ZNF738: variants seen among roughly 807,000 people sequenced by gnomAD.
ZNF738 encodes the protein zinc finger protein 738, also known as protein ZNF738.
Under a neutral mutation model 9.2 loss-of-function variants are expected in ZNF738, and 10 were observed. The observed-to-expected ratio is 1.09, with a 90% CI of 0.67 to 1.85. ZNF738 has a LOEUF of 1.85. Among genes scored for constraint, ZNF738 ranks in the 40% most tolerant of loss-of-function variants. The pLI is 0.00. For missense variants in ZNF738, 346 were observed against 283.6 expected, an observed-to-expected ratio of 1.22 and a Z score of -1.58; for synonymous variants, 113 against 94.5, an observed-to-expected ratio of 1.20 and a Z score of -1.14.
At chr19:21,371,704 A>C (rs1188062631) in intron 2 of ZNF738, among the ~76,000 whole-genome samples, 1 of 151,794 alleles carries the variant, frequency 6.6e-6, no homozygotes, top group Non-Finnish European at 1.5e-5. Context: ...ACCTTGGTCC[A>C]CTTCTTTTTA....
At chr19:21,359,704 C>T (rs375473660) in intron 1 of ZNF738, among the ~76,000 whole-genome samples, 4 of 152,012 alleles carry the variant, frequency 2.6e-5, no homozygotes, top group African/African-American at 9.7e-5. Context: ...GGTGAAACCC[C>T]GTCTCTACTA....
intron 2 of ZNF738, among the ~76,000 whole-genome samples, chr19:21,369,914 A>G (rs1973835748): frequency 6.6e-6 from 1 of 151,974 alleles, no homozygotes; most frequent in Non-Finnish European, 1.5e-5. Flanking sequence ...CCTGGATTCA[A>G]GTGATTCTCC....
rs1374014983 is a variant in ZNF738, at chr19:21,383,991, C to T, written c.*317C>T. ...TAAGTTGATTCATACTGGAGAGAAA[C>T]CCTACAAATGTGAAGAATGTGGCAA... On this transcript the variant is annotated 3_prime_UTR_variant, in exon 5 of 5. Coordinates refer to ENST00000683779, the MANE Select transcript of ZNF738 (RefSeq NM_001355237.2). 5.4e-6 allele frequency: 8 copies of T among 1,476,594 alleles called. No homozygotes were observed. The African/African-American group carries it at 1.1e-4, about 20-fold the overall frequency. The allele number at this position is 1,476,594 out of a possible 1,614,324, so 91.5% of individuals were successfully genotyped here.
rs1473480499 is a variant in ZNF738, at chr19:21,384,597, T to C, written c.*923T>C. Reference sequence around the variant, plus strand: ...AGAGAAACCCTACAAATGTGAAGAATGTGGCAAAGCTTTTTAAAAATCCTC... The same window carrying C: ...AGAGAAACCCTACAAATGTGAAGAACGTGGCAAAGCTTTTTAAAAATCCTC... On this transcript the variant is annotated 3_prime_UTR_variant, in exon 5 of 5. Transcript: ENST00000683779. Among the ~76,000 whole-genome samples, 5 of 152,164 alleles carry C rather than the reference T, an allele frequency of 3.3e-5. No individual in the cohort carries two copies. Among genetic ancestry groups the C allele is most frequent in the East Asian group, 1.9e-4 (1 of 5,184 alleles).
At chr19:21,374,615 A>G (rs558492391) in intron 2 of ZNF738, among the ~76,000 whole-genome samples, 1 of 152,288 alleles carries the variant, frequency 6.6e-6, no homozygotes, top group East Asian at 1.9e-4. Context: ...TTAATCTGGC[A>G]GCTGCCTTTC....
rs549501870 is a variant in ZNF738 at position 21,381,320 on chromosome 19, G to T, written c.320-1546G>T. On this transcript the variant is annotated intron_variant, in intron 4 of 4. Coordinates refer to ENST00000683779, the MANE Select transcript of ZNF738 (RefSeq NM_001355237.2). ...TTTGTCTTCAACATAGTCCATTTCC[G>T]CTCCTAAAACTGTTAGCTTTGCTTT... 19 of 1,566,846 alleles carry T rather than the reference G, an allele frequency of 1.2e-5. No homozygotes were observed. The South Asian group carries it at 1.8e-4, about 15-fold the overall frequency.
chr19:21,371,261 C>G (rs571899116), intron 2 of ZNF738, among the ~76,000 whole-genome samples: 22 of 152,350 alleles, frequency 1.4e-4, no homozygotes, highest in Admixed American at 1.4e-3. Flanking sequence ...CTGAGTTTCT[C>G]CAGCCTGGCT....
intron 2 of ZNF738, among the ~76,000 whole-genome samples, chr19:21,370,663 A>G (rs1973843904): frequency 6.6e-6 from 1 of 152,286 alleles, no homozygotes; most frequent in African/African-American, 2.4e-5. Context: ...GGCCCAGATG[A>G]AGTCTCTACT....
intron 4 of ZNF738, among the ~76,000 whole-genome samples, chr19:21,379,460 T>C (rs1973979969): frequency 6.6e-6 from 1 of 152,182 alleles, no homozygotes; most frequent in South Asian, 2.1e-4. Context: ...AGGAAATTAT[T>C]CATCTTCTTT....
intron 2 of ZNF738, among the ~76,000 whole-genome samples, chr19:21,366,097 C>T (rs1973773885): frequency 6.6e-6 from 1 of 152,004 alleles, no homozygotes; most frequent in Admixed American, 6.6e-5. Flanking sequence ...TGTCAGCTCT[C>T]AAGTTTCCCC....
At chr19:21,375,453 T>A in intron 3 of ZNF738, 89 bp downstream of exon 3, 1 of 591,700 alleles carries the variant, frequency 1.7e-6, no homozygotes, top group Non-Finnish European at 3.1e-6. Flanking sequence ...AGTTTATGCT[T>A]TGCATAAATG....
chr19:21,376,937 A>G (rs1213495659), intron 4 of ZNF738, among the ~76,000 whole-genome samples: 2 of 152,182 alleles, frequency 1.3e-5, no homozygotes, highest in Non-Finnish European at 2.9e-5. Flanking sequence ...GGTCTATCAA[A>G]GAGAATGTTG....
chr19:21,377,894 C>G, intron 4 of ZNF738: 1 of 381,968 alleles, frequency 2.6e-6, no homozygotes, highest in Non-Finnish European at 4.6e-6. Context: ...TTTTGTTGTT[C>G]TATTTGATTC....
chr19:21,359,304 T>C (rs922813310), intron 1 of ZNF738, among the ~76,000 whole-genome samples, 161 bp downstream of exon 1: 1 of 152,224 alleles, frequency 6.6e-6, no homozygotes, highest in Non-Finnish European at 1.5e-5. Flanking sequence ...AGCCATAAGA[T>C]GGCGGTTGCG....
intron 4 of ZNF738, 66 bp downstream of exon 4, chr19:21,376,030 C>T: frequency 1.6e-6 from 1 of 640,272 alleles, no homozygotes; most frequent in Non-Finnish European, 2.8e-6. Flanking sequence ...AAAAAAAAAG[C>T]AGTCCCTATA....
chr19:21,370,847 C>A (rs8112583), intron 2 of ZNF738, among the ~76,000 whole-genome samples: 85,931 of 151,936 alleles, frequency 0.57, 24,592 homozygotes, highest in Middle Eastern at 0.69. Flanking sequence ...CTGGCCTCTG[C>A]CTGGGATTTA....
At chr19:21,371,809 A>C (rs1043297269) in intron 2 of ZNF738, among the ~76,000 whole-genome samples, 9 of 152,224 alleles carry the variant, frequency 5.9e-5, no homozygotes, top group Admixed American at 1.3e-4. Context: ...CTAAGAATAC[A>C]TATTTATCTT....
At chr19:21,373,258 T>C (rs536515384) in intron 2 of ZNF738, among the ~76,000 whole-genome samples, 39 of 152,336 alleles carry the variant, frequency 2.6e-4, no homozygotes, top group African/African-American at 9.1e-4. Context: ...GAAATCTCTT[T>C]ACTTGTACCC....
chr19:21,369,844 C>T (rs1355985860), intron 2 of ZNF738, among the ~76,000 whole-genome samples: 3 of 149,490 alleles, frequency 2.0e-5, no homozygotes, highest in South Asian at 4.2e-4. Flanking sequence ...GACATAGTCT[C>T]GCACTCTCTC....
Sources: allele counts gnomAD v4.1 joint callset (sites outside exome capture counted in the v4.1 genomes callset), GRCh38; gene constraint gnomAD v4.1.1; transcripts MANE v1.5; gene names NCBI Gene and HGNC (gene_info 2026-07-23, HGNC 2026-07-21).